MIPEP: variants seen among roughly 807,000 people sequenced by gnomAD.
The protein encoded by MIPEP is mitochondrial intermediate peptidase.
A neutral mutation model predicts 90.3 loss-of-function variants in MIPEP; 79 were observed. The ratio of observed to expected loss-of-function variants is 0.87; its 90% CI spans 0.73 to 1.05. The LOEUF (loss-of-function observed/expected upper bound fraction) is 1.05. Ranked by LOEUF, MIPEP falls within the 50% of genes least tolerant of loss-of-function variation. The pLI is 0.00. For synonymous variants in MIPEP, 334 were observed against 315.8 expected (o/e 1.06, Z -0.61); for missense variants, 940 against 905.6 (o/e 1.04, Z -0.49).
At chr13:23,867,397 T>C (rs1870590439) in intron 7 of MIPEP, among the ~76,000 whole-genome samples, 1 of 152,140 alleles carries the variant, frequency 6.6e-6, no homozygotes, top group African/African-American at 2.4e-5. Context: ...AAGAGCACGC[T>C]CACATTCCAC....
At chr13:23,855,593 CTA>C (rs1870015780) in intron 10 of MIPEP, among the ~76,000 whole-genome samples, 2 of 152,168 alleles carry the variant, frequency 1.3e-5, no homozygotes, top group African/African-American at 4.8e-5. Flanking sequence ...CAAACCCAAC[CTA>C]TGATATTTTT....
chr13:23,774,174 C>T (rs1952685516), intron 16 of MIPEP, among the ~76,000 whole-genome samples: 2 of 151,828 alleles, frequency 1.3e-5, no homozygotes, highest in South Asian at 2.1e-4. Context: ...CACCATTCTT[C>T]GAAAGGACAA....
chr13:23,865,860 G>A (rs1870510655), intron 7 of MIPEP, among the ~76,000 whole-genome samples: 1 of 151,874 alleles, frequency 6.6e-6, no homozygotes, highest in South Asian at 2.1e-4. Flanking sequence ...TAGTAGAGAT[G>A]GGGTTTCACC....
intron 18 of MIPEP, 36 bp from the exon 19 acceptor site, chr13:23,730,481 A>G: frequency 7.4e-7 from 1 of 1,359,244 alleles, no homozygotes; most frequent in Non-Finnish European, 1.0e-6. Flanking sequence ...TGCGTTCACC[A>G]GGAGGCAACA....
chr13:23,884,737 T>C (rs1199590812), intron 2 of MIPEP, among the ~76,000 whole-genome samples: 1 of 152,234 alleles, frequency 6.6e-6, no homozygotes, highest in Non-Finnish European at 1.5e-5. Context: ...ATAAACTCCA[T>C]GAAGTAACAG....
chr13:23,818,412 C>G lies in MIPEP; in HGVS notation c.1654-8488G>C, dbSNP rs141583553. ...CTGCACTCCAGCCTGGGTGACAGAG[C>G]GAGACTCTGTCTCAAAAATTAATAA... On this transcript the variant is annotated intron_variant, in intron 14 of 18. Coordinates refer to ENST00000382172, the MANE Select transcript of MIPEP (RefSeq NM_005932.4). Among the ~76,000 whole-genome samples the G allele has an allele frequency of 5.3e-5, 8 of 151,430 alleles. No individual in the cohort carries two copies. In the East Asian group the frequency reaches 1.4e-3, roughly 26 times the overall value.
chr13:23,881,151 CAG>C (rs1328708311), intron 3 of MIPEP, among the ~76,000 whole-genome samples: 1 of 152,252 alleles, frequency 6.6e-6, no homozygotes, highest in Non-Finnish European at 1.5e-5. Context: ...AGCCCTCCCA[CAG>C]ACTTTTACAG....
At position 23,851,628 on chromosome 13, in the gene MIPEP, A is replaced by C. The variant is rs544496007; in HGVS notation, c.1106+7232T>G. On this transcript the variant is annotated intron_variant, in intron 10 of 18. Coordinates refer to ENST00000382172, the MANE Select transcript of MIPEP (RefSeq NM_005932.4). ...AGACTGCAGAGATCCTGTCAGCATC[A>C]ATCTACCTAGTGGTCCATCTTCACA... Among the ~76,000 whole-genome samples, 17 of 152,260 alleles carry C rather than the reference A, an allele frequency of 1.1e-4. No individual in the cohort carries two copies. In the South Asian group the frequency reaches 3.5e-3, roughly 32 times the overall value.
At chr13:23,815,682 G>A (rs1010718533) in intron 14 of MIPEP, among the ~76,000 whole-genome samples, 6 of 151,976 alleles carry the variant, frequency 3.9e-5, no homozygotes, top group Admixed American at 3.3e-4. Flanking sequence ...CAAATTACCC[G>A]GCTTTAGAAG....
chr13:23,815,596 ACTGTGCCAGGC>A (rs1413521636), intron 14 of MIPEP, among the ~76,000 whole-genome samples: 2 of 152,246 alleles, frequency 1.3e-5, no homozygotes, highest in African/African-American at 4.8e-5. Flanking sequence ...GGCGTGAGCC[ACTGTGCCAGGC>A]CTATTTTTAA....
Position 23,874,878 on chromosome 13 carries a change from CA to C in MIPEP, c.570del (p.Phe190LeufsTer8). On this transcript the variant is annotated frameshift_variant, in exon 5 of 19. Coordinates refer to ENST00000382172, the MANE Select transcript of MIPEP (RefSeq NM_005932.4). LOFTEE classifies it high-confidence loss of function. The part of the protein sequence containing the change: ...RRVAELFMFD[F>X]EISGIHLDKE... ...TTGTCTAGATGGATTCCACTAATTT[CA>C]AAATCAAACATAAACAGTTCAGCCA... 6.3e-7 allele frequency: 1 copy of C among 1,599,162 alleles called. No individual in the cohort carries two copies. Among genetic ancestry groups the C allele is most frequent in the Non-Finnish European group, 8.5e-7 (1 of 1,174,980 alleles).
intron 18 of MIPEP, among the ~76,000 whole-genome samples, chr13:23,739,637 G>A (rs1952304245): frequency 6.6e-6 from 1 of 152,162 alleles, no homozygotes; most frequent in Admixed American, 6.5e-5. Flanking sequence ...AAAGGTGGAT[G>A]GAGTTGCTTA....
chr13:23,873,231 T>C lies in MIPEP; in HGVS notation c.603+1615A>G, dbSNP rs145663841. On this transcript the variant is annotated intron_variant, in intron 5 of 18. Transcript: ENST00000382172. ...ACAGCAAACACATGGGGGAGGACAC[T>C]GTGTATGAGGGGCTGACAGCCGGAG... Among the ~76,000 whole-genome samples, 618 of 152,310 alleles carry C rather than the reference T, an allele frequency of 4.1e-3. 3 individuals carry two copies. The highest frequency in any genetic ancestry group is 0.014 in the African/African-American group (574 of 41,576).
intron 18 of MIPEP, among the ~76,000 whole-genome samples, chr13:23,752,181 C>T: frequency 6.6e-6 from 1 of 152,082 alleles, no homozygotes; most frequent in East Asian, 1.9e-4. Flanking sequence ...CCTAAAAACT[C>T]AGTAAGAGGG....
chr13:23,737,144 GCA>G (rs1455043795), intron 18 of MIPEP, among the ~76,000 whole-genome samples: 2 of 152,212 alleles, frequency 1.3e-5, no homozygotes, highest in Non-Finnish European at 1.5e-5. Context: ...GTTCTGTGGA[GCA>G]CACTTTACAA....
At chr13:23,810,917 C>T (rs1013739624) in intron 14 of MIPEP, among the ~76,000 whole-genome samples, 2 of 152,222 alleles carry the variant, frequency 1.3e-5, no homozygotes, top group Non-Finnish European at 2.9e-5. Context: ...ACAGCCTTTT[C>T]TCTTTCCATT....
chr13:23,786,369 TAAG>T (rs766733915), intron 16 of MIPEP, among the ~76,000 whole-genome samples: 7 of 152,230 alleles, frequency 4.6e-5, no homozygotes, highest in African/African-American at 1.4e-4. Context: ...TAATCTTAGA[TAAG>T]AAGTTCTCTT....
At chr13:23,855,730 T>TA (rs1483648242) in intron 10 of MIPEP, among the ~76,000 whole-genome samples, 2 of 152,248 alleles carry the variant, frequency 1.3e-5, no homozygotes, top group Non-Finnish European at 2.9e-5. Context: ...ACCCGATTCT[T>TA]ACAACCCCTT....
At chr13:23,761,354 C>T (rs577715611) in intron 16 of MIPEP, among the ~76,000 whole-genome samples, 57 of 152,216 alleles carry the variant, frequency 3.7e-4, no homozygotes, top group Non-Finnish European at 6.3e-4. Flanking sequence ...AGCCTAGAGA[C>T]GGTGGCAGGA....
Sources: allele counts gnomAD v4.1 joint callset (sites outside exome capture counted in the v4.1 genomes callset), GRCh38; gene constraint gnomAD v4.1.1; transcripts MANE v1.5; gene names NCBI Gene and HGNC (gene_info 2026-07-23, HGNC 2026-07-21).